Variants in MYLK4 observed in about 807,000 individuals in gnomAD.
MYLK4 encodes the protein myosin light chain kinase family member 4.
In MYLK4, 46 loss-of-function variants were observed where a neutral mutation model predicts 48.1. The ratio of observed to expected loss-of-function variants is 0.96; its 90% CI spans 0.75 to 1.22. MYLK4 has a LOEUF of 1.22. Ranked by LOEUF, MYLK4 falls within the 50% of genes most tolerant of loss-of-function variation. The probability of loss-of-function intolerance (pLI) is 0.00; values close to 1 mark genes in which losing one functional copy is unlikely to be tolerated. For synonymous variants in MYLK4, 170 were observed against 180.8 expected (o/e 0.94, Z 0.48); for missense variants, 451 against 486.1 (o/e 0.93, Z 0.68).
chr6:2,699,684 T>C (rs572269535), intron 2 of MYLK4, among the ~76,000 whole-genome samples: 1 of 152,168 alleles, frequency 6.6e-6, no homozygotes, highest in East Asian at 1.9e-4. Flanking sequence ...TATTCCTTAT[T>C]GACATCAAAA....
intron 7 of MYLK4, among the ~76,000 whole-genome samples, chr6:2,682,127 G>C (rs1413727832): frequency 6.6e-6 from 1 of 152,184 alleles, no homozygotes; most frequent in Non-Finnish European, 1.5e-5. Context: ...CCTATTTCAG[G>C]AGGCTAAATT....
At chr6:2,683,391 T>TGTG (rs1761397470) in intron 6 of MYLK4, among the ~76,000 whole-genome samples, 21 of 126,662 alleles carry the variant, frequency 1.7e-4, no homozygotes, top group African/African-American at 5.1e-4. Context: ...CCCCACCTTT[T>TGTG]TGTGTGTGTG....
chr6:2,682,656 C>T (rs1007608851), intron 7 of MYLK4, among the ~76,000 whole-genome samples: 6 of 152,176 alleles, frequency 3.9e-5, no homozygotes, highest in Non-Finnish European at 7.3e-5. Flanking sequence ...TTGACTACTA[C>T]TTAGGGAATT....
intron 2 of MYLK4, among the ~76,000 whole-genome samples, chr6:2,724,676 T>A (rs73352536): frequency 0.029 from 3,171 of 109,874 alleles, 97 homozygotes; most frequent in African/African-American, 0.082. Flanking sequence ...TTGAGGGAAT[T>A]CATTTTGTAA....
In MYLK4 at chr6:2,739,148, A is replaced by G. The variant is rs562218213; in HGVS notation, c.159+9988T>C. Among the ~76,000 whole-genome samples, 17 of 152,330 alleles carry G rather than the reference A, an allele frequency of 1.1e-4. No homozygotes were observed. In the Middle Eastern group the frequency reaches 0.014, roughly 122 times the overall value. On this transcript the variant is annotated intron_variant, in intron 2 of 12. Transcript: ENST00000274643. ...GCCTCAGTTTGCTCACCTAAAAGGT[A>G]GAGATAAGAATTCTACCAACTTCGG... is the stretch of plus-strand genomic sequence containing the variant.
At chr6:2,766,242 G>T in the MYLK4 span, 3 of 1,477,306 alleles carry the variant, frequency 2.0e-6, no homozygotes, top group African/African-American at 2.8e-5. Flanking sequence ...GGCGGGGGCC[G>T]CCCGCACCCC....
Position 2,689,093 on chromosome 6 carries a change from C to A in MYLK4, c.236-137G>T. On this transcript the variant is annotated intron_variant, in intron 3 of 12. Transcript: ENST00000274643. ...AGCCATCTGTTTGATTCCTAATGAT[C>A]CAGGGATATAGATTTCCACTTGAGA... 4.5e-6 allele frequency: 3 copies of A among 661,616 alleles called. No individual in the cohort carries two copies. In the South Asian group the frequency reaches 5.3e-5, roughly 12 times the overall value. 41.0% of individuals were successfully genotyped at this position (661,616 alleles called of 1,614,324 possible).
the MYLK4 span, chr6:2,768,819 C>T: frequency 4.3e-6 from 7 of 1,613,688 alleles, no homozygotes; most frequent in Non-Finnish European, 5.9e-6. Flanking sequence ...ATGAAAAGAG[C>T]TTTTTCAAAA....
intron 2 of MYLK4, among the ~76,000 whole-genome samples, chr6:2,717,899 G>A (rs1424105194): frequency 6.6e-6 from 1 of 152,094 alleles, no homozygotes; most frequent in Non-Finnish European, 1.5e-5. Flanking sequence ...CCTAGACATC[G>A]GCCGGGTGCA....
intron 2 of MYLK4, among the ~76,000 whole-genome samples, chr6:2,694,664 G>T: frequency 6.6e-6 from 1 of 150,854 alleles, no homozygotes; most frequent in East Asian, 2.0e-4. Context: ...TGATGATGGT[G>T]GTAGTGGTGA....
the MYLK4 span, chr6:2,765,846 C>T: frequency 1.7e-5 from 24 of 1,402,692 alleles, no homozygotes; most frequent in Admixed American, 2.8e-5. Context: ...CGGCGGCTGT[C>T]GGAGAGCTCG....
chr6:2,714,616 C>A (rs575647563), intron 2 of MYLK4, among the ~76,000 whole-genome samples: 1 of 152,194 alleles, frequency 6.6e-6, no homozygotes, highest in Non-Finnish European at 1.5e-5. Context: ...GAGTATAGAT[C>A]CATGAGAACT....
intron 2 of MYLK4, among the ~76,000 whole-genome samples, chr6:2,704,446 C>T (rs1203573373): frequency 6.6e-6 from 1 of 152,214 alleles, no homozygotes; most frequent in Non-Finnish European, 1.5e-5. Flanking sequence ...ACTCTATCCT[C>T]AGTATGGTTT....
intron 2 of MYLK4, among the ~76,000 whole-genome samples, chr6:2,745,590 T>C (rs1764057305): frequency 6.6e-6 from 1 of 152,072 alleles, no homozygotes; most frequent in Non-Finnish European, 1.5e-5. Context: ...TGGAACATAA[T>C]AGAATAAGAA....
At chr6:2,763,937 G>A in the MYLK4 span, among the ~76,000 whole-genome samples, 3 of 152,092 alleles carry the variant, frequency 2.0e-5, no homozygotes, top group African/African-American at 2.4e-5. Context: ...ACCTGAGGTC[G>A]GGAGTTCGAG....
rs932788632 is a variant in MYLK4 at position 2,666,828 on chromosome 6, G to A, written c.*1097C>T. 1.3e-5 allele frequency: 2 copies of A among 152,236 alleles called. No individual in the cohort carries two copies. Among genetic ancestry groups the A allele is most frequent in the Non-Finnish European group, 2.9e-5 (2 of 68,058 alleles). The allele number at this position is 152,236 out of a possible 1,614,324, so 9.4% of individuals were successfully genotyped here. A position where few individuals can be genotyped will look rare whatever the true frequency, so the allele number is the denominator to read the frequency against. ...GGCATAGGAACCTTCCAACTGGAAC[G>A]TTCCAACATTCTCACGTCCAGCAGG... On this transcript the variant is annotated 3_prime_UTR_variant, in exon 13 of 13. Transcript: ENST00000274643.
rs191709672 is a variant in MYLK4, at chr6:2,695,399, G to A, written c.160-2540C>T. 5.3e-5 allele frequency among the ~76,000 whole-genome samples: 8 copies of A among 152,292 alleles called. No homozygotes were observed. The East Asian group carries it at 5.8e-4, about 11-fold the overall frequency. On this transcript the variant is annotated intron_variant, in intron 2 of 12. Coordinates refer to ENST00000274643, the MANE Select transcript of MYLK4 (RefSeq NM_001012418.5). ...CTCCATGGAGCACTGATAGATCCACGTTTGCCCCTGAGGCCATCTGAGTAT... is the reference window on the plus strand; with the variant it reads ...CTCCATGGAGCACTGATAGATCCACATTTGCCCCTGAGGCCATCTGAGTAT...
chr6:2,666,698 C>T lies in MYLK4; in HGVS notation c.*1227G>A, dbSNP rs733985. 32,572 of 152,150 alleles carry T rather than the reference C, an allele frequency of 0.21. 3,860 individuals carry two copies. The highest frequency in any genetic ancestry group is 0.44 in the East Asian group (2,279 of 5,160). 9.4% of individuals were successfully genotyped at this position (152,150 alleles called of 1,614,324 possible). A position where few individuals can be genotyped will look rare whatever the true frequency, so the allele number is the denominator to read the frequency against. ...CTCTCCTTCATGTGGAAATGACACA[C>T]TCATTTCGCTCTTTAAAGCCCAGTG... On this transcript the variant is annotated 3_prime_UTR_variant, in exon 13 of 13. Coordinates refer to ENST00000274643, the MANE Select transcript of MYLK4 (RefSeq NM_001012418.5).
intron 2 of MYLK4, among the ~76,000 whole-genome samples, chr6:2,735,069 T>G (rs566140872): frequency 4.7e-4 from 71 of 152,286 alleles, no homozygotes; most frequent in African/African-American, 1.7e-3. Context: ...AAGTTCAAAT[T>G]AAGGCACTCT....
Sources: gnomAD v4.1 joint callset for allele counts (sites outside exome capture counted in the v4.1 genomes callset) on GRCh38, gnomAD v4.1.1 for gene constraint, MANE v1.5 for transcripts, NCBI Gene and HGNC (gene_info 2026-07-23, HGNC 2026-07-21) for gene names.